The following KIAA1671 variants were observed in gnomAD, a reference collection of about 807,000 sequenced individuals.
The protein encoded by KIAA1671 is KIAA1671, also known as uncharacterized protein KIAA1671.
KIAA1671 carries 52 observed loss-of-function variants against 131.2 expected under a neutral mutation model. That is an observed-to-expected ratio of 0.40 (90% CI 0.32 to 0.50). The LOEUF (loss-of-function observed/expected upper bound fraction) is 0.50, where lower values mean the gene tolerates loss of function less well. Ranked by LOEUF, KIAA1671 falls within the 20% of genes least tolerant of loss-of-function variation. KIAA1671 has a pLI of 0.73. For missense variants in KIAA1671, 2,360 were observed against 2,364.2 expected, an observed-to-expected ratio of 1.00 and a Z score of 0.04; for synonymous variants, 1,003 against 961.6, an observed-to-expected ratio of 1.04 and a Z score of -0.80.
chr22:25,070,428 G>C (rs6004422), intron 6 of KIAA1671: 6 of 474,372 alleles, frequency 1.3e-5, no homozygotes, highest in Non-Finnish European at 2.3e-5. Flanking sequence ...TGAGTGGCGG[G>C]GGGCAGTGCA....
chr22:25,175,737 G>A (rs1305539276), intron 8 of KIAA1671: 1 of 152,178 alleles, frequency 6.6e-6, no homozygotes, highest in Non-Finnish European at 1.5e-5. Context: ...ACTGGCCCAG[G>A]CACATGTTAA....
At chr22:25,036,206 G>A (rs1015031031) in intron 4 of KIAA1671, among the ~76,000 whole-genome samples, 2 of 152,056 alleles carry the variant, frequency 1.3e-5, no homozygotes, top group African/African-American at 4.8e-5. Context: ...TCAGCCTCCT[G>A]AGTAGCTGGG....
intron 6 of KIAA1671, among the ~76,000 whole-genome samples, chr22:25,081,383 GTC>G (rs373921859): frequency 1.4e-4 from 22 of 152,300 alleles, no homozygotes; most frequent in African/African-American, 5.3e-4. Flanking sequence ...CTGATCTTGT[GTC>G]TCACCTGACG....
intron 6 of KIAA1671, among the ~76,000 whole-genome samples, chr22:25,151,676 C>T (rs1933049352): frequency 6.6e-6 from 1 of 151,972 alleles, no homozygotes; most frequent in Admixed American, 6.6e-5. Context: ...AGGGATCTTC[C>T]CGCCTTGGCC....
At chr22:25,157,369 C>T (rs1408273707) in intron 6 of KIAA1671, among the ~76,000 whole-genome samples, 1 of 152,110 alleles carries the variant, frequency 6.6e-6, no homozygotes, top group Non-Finnish European at 1.5e-5. Context: ...CAGGGTCTGC[C>T]ACCTGTTACT....
intron 1 of KIAA1671, among the ~76,000 whole-genome samples, chr22:24,993,296 A>G (rs972768980): frequency 2.6e-5 from 4 of 151,910 alleles, no homozygotes; most frequent in Admixed American, 1.3e-4. Context: ...CCCCAGACAC[A>G]CTCTCATAGA....
intron 1 of KIAA1671, among the ~76,000 whole-genome samples, chr22:24,993,859 A>T (rs1420781679): frequency 1.3e-5 from 2 of 152,116 alleles, no homozygotes; most frequent in Non-Finnish European, 2.9e-5. Context: ...CAGTTGGATC[A>T]CTTGAGGTCA....
intron 1 of KIAA1671, among the ~76,000 whole-genome samples, chr22:25,015,515 A>G (rs1489560583): frequency 6.6e-6 from 1 of 152,166 alleles, no homozygotes; most frequent in Non-Finnish European, 1.5e-5. Context: ...AGAGGGGTAA[A>G]GATAAGTTGT....
intron 6 of KIAA1671, among the ~76,000 whole-genome samples, chr22:25,115,732 C>CA (rs1931618664): frequency 1.3e-5 from 2 of 152,160 alleles, no homozygotes; most frequent in Admixed American, 1.3e-4. Context: ...ATATAACTTG[C>CA]ATGTCTTCAT....
In KIAA1671 at chr22:24,962,277, C is replaced by G. The variant is rs553165004; in HGVS notation, c.-208+9505C>G. Among the ~76,000 whole-genome samples the G allele has an allele frequency of 1.3e-3, 202 of 152,274 alleles. 1 individual carries two copies. The highest frequency in any genetic ancestry group is 2.2e-3 in the Non-Finnish European group (150 of 68,030). On this transcript the variant is annotated intron_variant, in intron 1 of 12. Transcript: ENST00000358431. Reference sequence around the variant, plus strand: ...GACTTTTGATCAGCCTCATCACATCCCTCAGCCTCAGTTTGCCTGTCTGTA... The same window carrying G: ...GACTTTTGATCAGCCTCATCACATCGCTCAGCCTCAGTTTGCCTGTCTGTA...
chr22:25,174,272 C>T lies in KIAA1671; in HGVS notation c.4682C>T (p.Thr1561Ile). 1 of 1,551,712 alleles carries T rather than the reference C, an allele frequency of 6.4e-7. No homozygotes were observed. The highest frequency in any genetic ancestry group is 1.4e-5 in the African/African-American group (1 of 73,140). Residue 1561 changes from threonine to isoleucine, a missense_variant, in exon 8 of 13, where the codon ACA (threonine) becomes ATA (isoleucine). Around this residue, in one of 3 missense-constraint regions of KIAA1671, gnomAD observed 1,161 missense variants for 1,204.7 expected, o/e 0.96. Transcript: ENST00000358431. ...ACTGAGTCCCCAGATAGCAGTGCCA[C>T]ATCGACAAGGAAACAGCCCCCCAGC... ...LATESPDSSA[T>I]STRKQPPSSR...
chr22:25,157,608 A>C (rs1252393807), intron 6 of KIAA1671, among the ~76,000 whole-genome samples: 2 of 152,152 alleles, frequency 1.3e-5, no homozygotes, highest in African/African-American at 4.8e-5. Context: ...AGAAATTCTG[A>C]GTTAAAAAGA....
At chr22:25,167,412 A>C (rs546396706) in intron 6 of KIAA1671, among the ~76,000 whole-genome samples, 20 of 152,202 alleles carry the variant, frequency 1.3e-4, no homozygotes, top group Non-Finnish European at 2.1e-4. Flanking sequence ...ATAGTGGTGA[A>C]GAAAATCCTC....
chr22:25,024,357 T>G (rs1168440979), intron 1 of KIAA1671: 1 of 152,120 alleles, frequency 6.6e-6, no homozygotes, highest in Non-Finnish European at 1.5e-5. Flanking sequence ...CAGTGTGAGG[T>G]TAATGTGGAT....
intron 1 of KIAA1671, among the ~76,000 whole-genome samples, chr22:24,997,702 G>C (rs1924212858): frequency 6.6e-6 from 1 of 152,090 alleles, no homozygotes. Context: ...GAGGCCACTC[G>C]AAGTTTGGGG....
intron 6 of KIAA1671, among the ~76,000 whole-genome samples, chr22:25,152,878 T>A (rs1933097024): frequency 6.6e-6 from 1 of 152,176 alleles, no homozygotes; most frequent in Non-Finnish European, 1.5e-5. Context: ...GTGCTGGGAT[T>A]ATAGGTGTGA....
chr22:25,015,266 C>G (rs1021575094), intron 1 of KIAA1671, among the ~76,000 whole-genome samples: 2 of 148,106 alleles, frequency 1.4e-5, no homozygotes, highest in African/African-American at 2.5e-5. Context: ...GCAGCAGCAA[C>G]CATAGATAAT....
intron 6 of KIAA1671, among the ~76,000 whole-genome samples, chr22:25,143,162 G>T (rs1286405900): frequency 2.0e-5 from 3 of 152,256 alleles, no homozygotes; most frequent in Non-Finnish European, 4.4e-5. Context: ...GGAGACAGTG[G>T]TGAGTGACAT....
chr22:24,957,413 T>G (rs1444288394), intron 1 of KIAA1671, among the ~76,000 whole-genome samples: 1 of 152,160 alleles, frequency 6.6e-6, no homozygotes, highest in African/African-American at 2.4e-5. Context: ...CCCCAGACAC[T>G]CCCTGAATTT....
Sources: gnomAD v4.1 joint callset for allele counts (sites outside exome capture counted in the v4.1 genomes callset) on GRCh38, gnomAD v4.1.1 for gene constraint, gnomAD v4.1.1 regional missense constraint, MANE v1.5 for transcripts, NCBI Gene and HGNC (gene_info 2026-07-23, HGNC 2026-07-21) for gene names.